The following PCDHA5 variants were observed in gnomAD, a reference collection of about 807,000 sequenced individuals.
The protein encoded by PCDHA5 is protocadherin alpha-5.
Under a neutral mutation model 61.6 loss-of-function variants are expected in PCDHA5, and 43 were observed. The ratio of observed to expected loss-of-function variants is 0.70; its 90% CI spans 0.55 to 0.90. The LOEUF is 0.90. Among genes scored for constraint, PCDHA5 ranks in the 40% least tolerant of loss-of-function variants. The pLI is 0.00. For missense variants in PCDHA5, 1,298 were observed against 1,222.7 expected (o/e 1.06, Z -0.92); for synonymous variants, 627 against 543.9 (o/e 1.15, Z -2.13).
intron 1 of PCDHA5, among the ~76,000 whole-genome samples, chr5:140,838,141 T>G (rs1229796880): frequency 6.7e-6 from 1 of 149,692 alleles, no homozygotes; most frequent in African/African-American, 2.5e-5. Context: ...TTTGACAGAG[T>G]TTTACTCTGT....
chr5:141,000,361 G>C (rs1253295818), intron 3 of PCDHA5, among the ~76,000 whole-genome samples: 2 of 26,450 alleles, frequency 7.6e-5, no homozygotes, highest in Non-Finnish European at 1.2e-4. Context: ...GTCTCTCTCT[G>C]TCTCTCTCTC....
At chr5:140,893,888 G>A (rs1182777052) in intron 1 of PCDHA5, among the ~76,000 whole-genome samples, 1 of 152,128 alleles carries the variant, frequency 6.6e-6, no homozygotes, top group Non-Finnish European at 1.5e-5. Context: ...TGGCCAGAAA[G>A]TTACTTTACC....
chr5:140,950,723 A>AT (rs1196047674), intron 1 of PCDHA5, among the ~76,000 whole-genome samples: 72 of 152,102 alleles, frequency 4.7e-4, no homozygotes, highest in African/African-American at 1.6e-3. Flanking sequence ...ATATCCTTAA[A>AT]TTTTTTAATC....
intron 1 of PCDHA5, chr5:140,926,295 C>T (rs1554203253): frequency 6.6e-6 from 1 of 152,322 alleles, no homozygotes; most frequent in African/African-American, 2.4e-5. Flanking sequence ...CGCTGAGTCC[C>T]GCCCTCTCCG....
intron 1 of PCDHA5, among the ~76,000 whole-genome samples, chr5:140,905,903 G>A (rs2072195312): frequency 6.6e-6 from 1 of 152,184 alleles, no homozygotes; most frequent in African/African-American, 2.4e-5. Flanking sequence ...AAGCTGAGGA[G>A]CAAGGAATCC....
At position 140,852,979 on chromosome 5, in the gene PCDHA5, C is replaced by T. The variant is rs1163126310; in HGVS notation, c.2352+28852C>T. ...CTCCAAGCTCCCCCTCCCGTGTTCA[C>T]GCCATTCTCCTGCCTCAGCCTCCCG... On this transcript the variant is annotated intron_variant, in intron 1 of 3. Transcript: ENST00000529859. 7 of 345,732 alleles carry T rather than the reference C, an allele frequency of 2.0e-5. No individual in the cohort carries two copies. In the East Asian group the frequency reaches 5.0e-4, roughly 24 times the overall value. 21.4% of individuals were successfully genotyped at this position (345,732 alleles called of 1,614,324 possible).
At chr5:140,841,198 C>A in intron 1 of PCDHA5, 1 of 1,281,352 alleles carries the variant, frequency 7.8e-7, no homozygotes, top group Non-Finnish European at 1.1e-6. Context: ...TTTTCTCTGA[C>A]AGCATCTGTC....
chr5:140,967,925 C>T, intron 1 of PCDHA5: 1 of 1,614,224 alleles, frequency 6.2e-7, no homozygotes, highest in South Asian at 1.1e-5. Context: ...TGTGGCCGTT[C>T]TCAGTGTCAA....
chr5:140,883,771 G>A (rs782418376), intron 1 of PCDHA5: 11 of 1,612,346 alleles, frequency 6.8e-6, no homozygotes, highest in African/African-American at 1.3e-5. Context: ...GGGTGGGCGA[G>A]CGTGCGCTGT....
rs782638942 is a variant in PCDHA5, at chr5:140,876,442, G to T, written c.2352+52315G>T. The T allele has an allele frequency of 1.5e-5, 25 of 1,613,894 alleles. 1 individual carries two copies. The South Asian group carries it at 2.7e-4, about 18-fold the overall frequency. The stretch of plus-strand genomic sequence containing the variant: ...CTATGAAATTCAGGTTAACGCCATT[G>T]ATAAAGGGATTCCTTCCATGGCAGG... On this transcript the variant is annotated intron_variant, in intron 1 of 3. Coordinates refer to ENST00000529859, the MANE Select transcript of PCDHA5 (RefSeq NM_018908.3).
chr5:140,877,515 G>A (rs371100299), intron 1 of PCDHA5: 177 of 1,613,796 alleles, frequency 1.1e-4, no homozygotes, highest in Admixed American at 4.8e-4. Context: ...CGTCGTCGCG[G>A]GCCTCAGTGG....
At chr5:140,876,143 G>A in intron 1 of PCDHA5, 1 of 1,613,870 alleles carries the variant, frequency 6.2e-7, no homozygotes, top group South Asian at 1.1e-5. Flanking sequence ...GAACTAACAG[G>A]GTCTGTCCAG....
At position 140,828,476 on chromosome 5, in the gene PCDHA5, A is replaced by T. The variant is rs2150155737; in HGVS notation, c.2352+4349A>T. 1.4e-5 allele frequency: 22 copies of T among 1,614,168 alleles called. No homozygotes were observed. The South Asian group carries it at 2.4e-4, about 18-fold the overall frequency. On this transcript the variant is annotated intron_variant, in intron 1 of 3. Coordinates refer to ENST00000529859, the MANE Select transcript of PCDHA5 (RefSeq NM_018908.3). ...CGTGGAGGTGAGGGACATTAACGAC[A>T]ACCCGCCCTTGTTCCCGGTAGAGGA...
At chr5:140,989,620 C>T (rs1197614071) in intron 3 of PCDHA5, among the ~76,000 whole-genome samples, 1 of 152,168 alleles carries the variant, frequency 6.6e-6, no homozygotes, top group African/African-American at 2.4e-5. Context: ...GAAAGTCTGT[C>T]CTAGTGACAG....
chr5:140,824,938 G>A (rs1474426433), intron 1 of PCDHA5: 1 of 151,940 alleles, frequency 6.6e-6, no homozygotes, highest in Non-Finnish European at 1.5e-5. Flanking sequence ...TTTGATAATT[G>A]TAATTTAAAA....
chr5:140,833,109 T>G (rs1772297306), intron 1 of PCDHA5, among the ~76,000 whole-genome samples: 1 of 152,208 alleles, frequency 6.6e-6, no homozygotes, highest in Non-Finnish European at 1.5e-5. Context: ...TTTGACACTC[T>G]TCAAAGTCAT....
intron 1 of PCDHA5, among the ~76,000 whole-genome samples, chr5:140,855,586 G>A (rs2043525650): frequency 1.3e-5 from 2 of 149,676 alleles, no homozygotes; most frequent in Admixed American, 1.3e-4. Context: ...TAAAATATTA[G>A]TATACTCAGT....
intron 1 of PCDHA5, chr5:140,875,666 G>A (rs781866030): frequency 1.2e-6 from 2 of 1,613,786 alleles, no homozygotes; most frequent in East Asian, 4.5e-5. Flanking sequence ...CGCCTGTTCC[G>A]GGTGGCGTCC....
chr5:140,949,630 T>C (rs549897729), intron 1 of PCDHA5, among the ~76,000 whole-genome samples: 2 of 152,016 alleles, frequency 1.3e-5, no homozygotes, highest in South Asian at 4.1e-4. Flanking sequence ...TTTCATGGCA[T>C]ATTGCTTTTT....
Sources: allele counts gnomAD v4.1 joint callset (sites outside exome capture counted in the v4.1 genomes callset), GRCh38; gene constraint gnomAD v4.1.1; transcripts MANE v1.5; gene names NCBI Gene and HGNC (gene_info 2026-07-23, HGNC 2026-07-21).